Variants in CDH13 observed in about 807,000 individuals in gnomAD.
CDH13 encodes cadherin 13.
A neutral mutation model predicts 63.8 loss-of-function variants in CDH13; 24 were observed. The observed-to-expected ratio is 0.38, with a 90% confidence interval of 0.27 to 0.53. The LOEUF (loss-of-function observed/expected upper bound fraction) is 0.53, where lower values mean the gene tolerates loss of function less well. Among genes scored for constraint, CDH13 ranks in the 20% least tolerant of loss-of-function variants. The probability of loss-of-function intolerance (pLI) is 0.85; values close to 1 mark genes in which losing one functional copy is unlikely to be tolerated. For missense variants in CDH13, 1,049 were observed against 903.1 expected, an observed-to-expected ratio of 1.16 and a Z score of -2.07; for synonymous variants, 503 against 355.3, an observed-to-expected ratio of 1.42 and a Z score of -4.67.
At chr16:83,200,339 A>G (rs1442226720) in intron 4 of CDH13, among the ~76,000 whole-genome samples, 1 of 152,144 alleles carries the variant, frequency 6.6e-6, no homozygotes, top group Admixed American at 6.6e-5. Context: ...GGCTTTTCTG[A>G]AAGTTAAGAC....
In CDH13 at chr16:83,707,836, C is replaced by CAAAAAAAA. The variant is rs61067563; in HGVS notation, c.1538+29390_1538+29397dup. Among the ~76,000 whole-genome samples, 66 of 78,852 alleles carry CAAAAAAAA rather than the reference C, an allele frequency of 8.4e-4. 2 individuals carry two copies. Among genetic ancestry groups the CAAAAAAAA allele is most frequent in the Admixed American group, 3.8e-3 (23 of 6,024 alleles). 51.7% of individuals were successfully genotyped at this position (78,852 alleles called of 152,430 possible). On this transcript the variant is annotated intron_variant, in intron 10 of 13. Coordinates refer to ENST00000567109, the MANE Select transcript of CDH13 (RefSeq NM_001257.5). ...CATCTTTGGTGAGAGACCCTAAAGGCAAAAAAAAAAAAAAAAAAAAAAGAG... is the reference window on the plus strand; with the variant it reads ...CATCTTTGGTGAGAGACCCTAAAGGCAAAAAAAAAAAAAAAAAAAAAAAAAAAAAAGAG...
At chr16:83,039,581 C>G (rs888100628) in intron 3 of CDH13, among the ~76,000 whole-genome samples, 1 of 152,184 alleles carries the variant, frequency 6.6e-6, no homozygotes, top group South Asian at 2.1e-4. Context: ...GGAACAGTCT[C>G]TTCCCTGCCT....
In CDH13 at chr16:82,860,386, TG is replaced by T. The variant is rs1234180073; in HGVS notation, c.157+1914del. 2.6e-4 allele frequency among the ~76,000 whole-genome samples: 8 copies of T among 31,260 alleles called. 1 individual carries two copies. In the Admixed American group the frequency reaches 3.3e-3, roughly 13 times the overall value. The allele number at this position is 31,260 out of a possible 152,430, so 20.5% of individuals were successfully genotyped here. On this transcript the variant is annotated intron_variant, in intron 2 of 13. Transcript: ENST00000567109. ...GCAGTATCACAGTTGTGTGTGTGTG[TG>T]TGGGGGGGGGGGCGGCGGTGTGCGT...
chr16:83,180,719 C>A (rs779221103), intron 4 of CDH13: 1 of 617,018 alleles, frequency 1.6e-6, no homozygotes, highest in East Asian at 2.8e-5. Context: ...ACTATGCATG[C>A]CAATTTTAAT....
intron 4 of CDH13, chr16:83,171,707 C>A: frequency 1.4e-6 from 1 of 695,918 alleles, no homozygotes; most frequent in South Asian, 1.7e-5. Flanking sequence ...TCTCCCATTT[C>A]CCCAGAACCT....
At chr16:82,659,131 C>T (rs139764034) in intron 1 of CDH13, among the ~76,000 whole-genome samples, 15 of 152,330 alleles carry the variant, frequency 9.8e-5, no homozygotes, top group Non-Finnish European at 8.8e-5. Flanking sequence ...ACAGTTGCTG[C>T]TGGTTCCCAA....
At chr16:83,358,681 T>A (rs2091102471) in intron 6 of CDH13, among the ~76,000 whole-genome samples, 1 of 152,170 alleles carries the variant, frequency 6.6e-6, no homozygotes, top group South Asian at 2.1e-4. Context: ...GCTTGAGACA[T>A]AAGCCCACTT....
intron 7 of CDH13, among the ~76,000 whole-genome samples, chr16:83,582,579 G>C (rs534473591): frequency 6.5e-4 from 99 of 152,234 alleles, no homozygotes; most frequent in African/African-American, 2.2e-3. Flanking sequence ...TGAGGCTGCT[G>C]CCCATAAGGG....
At chr16:83,374,401 T>C (rs577969527) in intron 6 of CDH13, among the ~76,000 whole-genome samples, 1 of 152,324 alleles carries the variant, frequency 6.6e-6, no homozygotes, top group African/African-American at 2.4e-5. Flanking sequence ...GTACTTATCT[T>C]TTCATGCATG....
chr16:83,461,882 A>G (rs1478703252), intron 6 of CDH13, among the ~76,000 whole-genome samples: 1 of 152,230 alleles, frequency 6.6e-6, no homozygotes, highest in African/African-American at 2.4e-5. Context: ...CCAAAGCCAA[A>G]CATACCCCAG....
At chr16:82,898,306 C>T (rs1374394686) in intron 2 of CDH13, among the ~76,000 whole-genome samples, 1 of 152,120 alleles carries the variant, frequency 6.6e-6, no homozygotes, top group Non-Finnish European at 1.5e-5. Flanking sequence ...GGGTGGATCA[C>T]CCGAGATCAG....
intron 2 of CDH13, among the ~76,000 whole-genome samples, chr16:82,888,318 G>A (rs2040962149): frequency 6.6e-6 from 1 of 152,228 alleles, no homozygotes; most frequent in South Asian, 2.1e-4. Flanking sequence ...ATCTGGCTGT[G>A]ACAGGGAATA....
chr16:83,723,833 T>C (rs1251386529), intron 10 of CDH13, among the ~76,000 whole-genome samples: 2 of 152,136 alleles, frequency 1.3e-5, no homozygotes, highest in African/African-American at 4.8e-5. Flanking sequence ...ATTGAAAGAA[T>C]GAGGGGATGG....
At chr16:82,805,777 T>C (rs377086101) in intron 1 of CDH13, among the ~76,000 whole-genome samples, 29 of 152,294 alleles carry the variant, frequency 1.9e-4, no homozygotes, top group African/African-American at 6.7e-4. Flanking sequence ...GACATGGCTT[T>C]GCCAGTCTGT....
intron 1 of CDH13, among the ~76,000 whole-genome samples, chr16:82,796,097 C>T (rs2036570358): frequency 1.3e-5 from 2 of 152,124 alleles, no homozygotes; most frequent in African/African-American, 4.8e-5. Context: ...TCCTGTGCCT[C>T]TCCTGGAGAA....
intron 1 of CDH13, among the ~76,000 whole-genome samples, chr16:82,809,426 G>A (rs1001268074): frequency 2.0e-5 from 3 of 152,070 alleles, no homozygotes; most frequent in African/African-American, 4.8e-5. Context: ...ATTTGACTTG[G>A]AGAGGAGGGA....
At chr16:83,287,343 A>G (rs961071916) in intron 5 of CDH13, among the ~76,000 whole-genome samples, 2 of 152,182 alleles carry the variant, frequency 1.3e-5, no homozygotes, top group Non-Finnish European at 2.9e-5. Flanking sequence ...GTACTAGCCT[A>G]TGACCTGTTA....
intron 2 of CDH13, among the ~76,000 whole-genome samples, chr16:82,959,491 C>G (rs1280927891): frequency 1.3e-5 from 2 of 152,188 alleles, no homozygotes; most frequent in Non-Finnish European, 2.9e-5. Context: ...TTCCCTCTCC[C>G]AGTTTCTAGA....
chr16:82,692,123 G>A (rs1036098557), intron 1 of CDH13, among the ~76,000 whole-genome samples: 2 of 152,244 alleles, frequency 1.3e-5, no homozygotes, highest in Admixed American at 6.5e-5. Flanking sequence ...GGACAGCAAA[G>A]TTATACTGAA....
Sources: gnomAD v4.1 joint callset for allele counts (sites outside exome capture counted in the v4.1 genomes callset) on GRCh38, gnomAD v4.1.1 for gene constraint, MANE v1.5 for transcripts, NCBI Gene and HGNC (gene_info 2026-07-23, HGNC 2026-07-21) for gene names.